SYT14: variants seen among roughly 807,000 people sequenced by gnomAD.
The protein encoded by SYT14 is synaptotagmin-14.
In SYT14, 32 loss-of-function variants were observed where a neutral mutation model predicts 74.2. The ratio of observed to expected loss-of-function variants is 0.43; its 90% CI spans 0.33 to 0.58. The LOEUF (loss-of-function observed/expected upper bound fraction) is 0.58. Ranked by LOEUF, SYT14 falls within the 20% of genes least tolerant of loss-of-function variation. SYT14 has a pLI of 0.05. For missense variants in SYT14, 791 were observed against 981.8 expected, an observed-to-expected ratio of 0.81 and a Z score of 2.60; for synonymous variants, 298 against 337.7, an observed-to-expected ratio of 0.88 and a Z score of 1.29.
At chr1:210,090,088 T>A (rs2081834087) in intron 5 of SYT14, among the ~76,000 whole-genome samples, 1 of 152,178 alleles carries the variant, frequency 6.6e-6, no homozygotes, top group Non-Finnish European at 1.5e-5. Flanking sequence ...CCAGTCTGAT[T>A]GTGGGAGGAG....
rs1482516941 is a variant in SYT14, at chr1:210,161,041, G to A, written c.2594G>A (p.Ter865=). 15 of 1,613,400 alleles carry A rather than the reference G, an allele frequency of 9.3e-6. No individual in the cohort carries two copies. Among genetic ancestry groups the A allele is most frequent in the Admixed American group, 6.7e-5 (4 of 59,986 alleles). ...AGATGGCATGCGTTGCTAGAGTCAT[G>A]ATGAATAGAATAAGCAAGCAGTTAC... is the stretch of plus-strand genomic sequence containing the variant. The change falls in exon 10 of 10, where the codon TGA becomes TAA. Residue 865 remains the stop codon, a stop_retained_variant. Coordinates refer to ENST00000637265, the Ensembl canonical transcript of SYT14.
intron 5 of SYT14, among the ~76,000 whole-genome samples, chr1:210,087,340 CCT>C (rs2081755890): frequency 6.6e-6 from 1 of 152,184 alleles, no homozygotes; most frequent in Non-Finnish European, 1.5e-5. Flanking sequence ...ACCAGATACC[CCT>C]GTGTGTGGCA....
chr1:209,986,481 C>T (rs1169292397), intron 2 of SYT14, among the ~76,000 whole-genome samples: 3 of 151,834 alleles, frequency 2.0e-5, no homozygotes, highest in South Asian at 2.1e-4. Context: ...GGCGAGGTGG[C>T]GGGCGCCTAT....
At chr1:210,051,542 C>T (rs923081758) in intron 5 of SYT14, among the ~76,000 whole-genome samples, 1 of 151,728 alleles carries the variant, frequency 6.6e-6, no homozygotes, top group Non-Finnish European at 1.5e-5. Flanking sequence ...TAGATAACCA[C>T]TTTTTTTAGT....
At chr1:210,117,048 CAT>C (rs2082375772) in intron 7 of SYT14, among the ~76,000 whole-genome samples, 1 of 152,118 alleles carries the variant, frequency 6.6e-6, no homozygotes, top group Non-Finnish European at 1.5e-5. Flanking sequence ...TAATTAGGGA[CAT>C]ATGTGTGTAT....
At chr1:209,995,527 G>A (rs1388734098) in intron 2 of SYT14, among the ~76,000 whole-genome samples, 3 of 151,994 alleles carry the variant, frequency 2.0e-5, no homozygotes, top group Non-Finnish European at 4.4e-5. Flanking sequence ...AGACAACCAC[G>A]TAATAATAGG....
rs773035084 is a variant in SYT14 at position 210,160,724 on chromosome 1, T to G, written c.2282-5T>G. On this transcript the variant is annotated splice_region_variant and splice_polypyrimidine_tract_variant and intron_variant, in intron 9 of 9. Transcript: ENST00000637265. Reference sequence around the variant, plus strand: ...TTTGTGATACGTTGTCTTTTTCTTCTTTAGATACATATGTTAAGTTAACTC... The same window carrying G: ...TTTGTGATACGTTGTCTTTTTCTTCGTTAGATACATATGTTAAGTTAACTC... 1.2e-6 allele frequency: 2 copies of G among 1,612,838 alleles called. No homozygotes were observed. Among genetic ancestry groups the G allele is most frequent in the Admixed American group, 1.7e-5 (1 of 59,894 alleles).
intron 2 of SYT14, chr1:209,953,394 C>T: frequency 1.9e-6 from 1 of 539,782 alleles, no homozygotes; most frequent in Non-Finnish European, 2.9e-6. Flanking sequence ...GAAAGATATT[C>T]CTGGGGAGGT....
At chr1:210,156,854 A>G in intron 8 of SYT14, 3 of 399,952 alleles carry the variant, frequency 7.5e-6, no homozygotes, top group Non-Finnish European at 1.0e-5. Flanking sequence ...CACCACACCT[A>G]GCTATTATTT....
intron 2 of SYT14, among the ~76,000 whole-genome samples, chr1:209,984,843 G>A (rs980077447): frequency 1.3e-5 from 2 of 152,158 alleles, no homozygotes; most frequent in South Asian, 4.1e-4. Flanking sequence ...CACTTCACAT[G>A]GCAAAAGCAG....
At chr1:210,078,566 T>C (rs2081557583) in intron 5 of SYT14, among the ~76,000 whole-genome samples, 1 of 152,124 alleles carries the variant, frequency 6.6e-6, no homozygotes, top group Admixed American at 6.5e-5. Context: ...TTAAGACATA[T>C]ACTTTTAAAA....
intron 1 of SYT14, among the ~76,000 whole-genome samples, chr1:209,938,681 T>G (rs1329477473): frequency 6.6e-6 from 1 of 151,978 alleles, no homozygotes; most frequent in African/African-American, 2.4e-5. Flanking sequence ...TTTCTTTTCT[T>G]TCCCCGGCCG....
At chr1:210,088,278 C>T (rs1300252086) in intron 5 of SYT14, among the ~76,000 whole-genome samples, 1 of 151,452 alleles carries the variant, frequency 6.6e-6, no homozygotes, top group African/African-American at 2.4e-5. Context: ...TATACATGTG[C>T]CATGGTGGTT....
intron 5 of SYT14, among the ~76,000 whole-genome samples, chr1:210,050,365 A>G (rs996589018): frequency 1.3e-5 from 2 of 152,206 alleles, no homozygotes; most frequent in Non-Finnish European, 2.9e-5. Flanking sequence ...CTTATTGTCC[A>G]TATCACTATC....
At chr1:210,041,033 T>C (rs2080778657) in intron 5 of SYT14, among the ~76,000 whole-genome samples, 2 of 152,042 alleles carry the variant, frequency 1.3e-5, no homozygotes, top group African/African-American at 4.8e-5. Context: ...TCAGAGCCAG[T>C]AAAGGCTGCA....
At chr1:210,152,664 A>C (rs1472834031) in intron 7 of SYT14, among the ~76,000 whole-genome samples, 1 of 152,178 alleles carries the variant, frequency 6.6e-6, no homozygotes, top group African/African-American at 2.4e-5. Context: ...TCAAGGAATG[A>C]AAGAAACATT....
At chr1:210,067,220 A>G (rs944994373) in intron 5 of SYT14, among the ~76,000 whole-genome samples, 1 of 152,046 alleles carries the variant, frequency 6.6e-6, no homozygotes, top group African/African-American at 2.4e-5. Flanking sequence ...GCTTGAAATC[A>G]TAAAGTGTGA....
chr1:210,017,446 GC>G (rs1267189429), intron 4 of SYT14, among the ~76,000 whole-genome samples: 1 of 151,998 alleles, frequency 6.6e-6, no homozygotes, highest in African/African-American at 2.4e-5. Context: ...TGCTGTAGTT[GC>G]ATTTGAAATT....
exon 4 of SYT14, chr1:210,016,697 C>T: frequency 8.1e-7 from 1 of 1,231,752 alleles, no homozygotes; most frequent in Non-Finnish European, 1.0e-6. Flanking sequence ...TAAATCTCGA[C>T]ATGTATATTT....
Sources: gnomAD v4.1 joint callset for allele counts (sites outside exome capture counted in the v4.1 genomes callset) on GRCh38, gnomAD v4.1.1 for gene constraint, MANE v1.5 for transcripts, NCBI Gene and HGNC (gene_info 2026-07-23, HGNC 2026-07-21) for gene names.